The following NPHS1 variants were observed in gnomAD, a reference collection of about 807,000 sequenced individuals.
NPHS1 encodes NPHS1 adhesion molecule, nephrin.
NPHS1 carries 107 observed loss-of-function variants against 139.7 expected under a neutral mutation model. That is an observed-to-expected ratio of 0.77 (90% confidence interval 0.66 to 0.90). The LOEUF (loss-of-function observed/expected upper bound fraction) is 0.90, where lower values mean the gene tolerates loss of function less well. Among genes scored for constraint, NPHS1 ranks in the 40% least tolerant of loss-of-function variants. The pLI, the probability that NPHS1 is intolerant of heterozygous loss-of-function variation, is 0.00. For missense variants in NPHS1, 1,580 were observed against 1,654.2 expected (o/e 0.96, Z 0.78); for synonymous variants, 707 against 706.6 (o/e 1.00, Z -0.01).
At chr19:35,831,586 A>C (rs1466503625) in intron 24 of NPHS1, 57 bp downstream of exon 24, 2 of 1,609,766 alleles carry the variant, frequency 1.2e-6, no homozygotes, top group Non-Finnish European at 1.7e-6. Flanking sequence ...TGCAGCAACC[A>C]CAGGGTTCCC....
chr19:35,833,653 T>C (rs1392874784), intron 23 of NPHS1, among the ~76,000 whole-genome samples: 1 of 152,012 alleles, frequency 6.6e-6, no homozygotes, highest in African/African-American at 2.4e-5. Flanking sequence ...TTTGAGCACC[T>C]GAAAGTGGCC....
chr19:35,841,893 C>T, intron 19 of NPHS1, 27 bp from the exon 20 acceptor site: 1 of 1,587,224 alleles, frequency 6.3e-7, no homozygotes, highest in East Asian at 2.3e-5. Context: ...GCACCACTCA[C>T]CCTTCCATTC....
chr19:35,847,671 G>GTTTTT (rs553348469), intron 11 of NPHS1, among the ~76,000 whole-genome samples: 1 of 136,224 alleles, frequency 7.3e-6, no homozygotes, highest in African/African-American at 2.7e-5. Context: ...TTACAGCATT[G>GTTTTT]TTTTTTTTTT....
At position 35,826,577 on chromosome 19, in the gene NPHS1, G is replaced by A. The variant is rs760160384; in HGVS notation, c.3663C>T (p.Ala1221=). 5.0e-6 allele frequency: 8 copies of A among 1,613,790 alleles called. No homozygotes were observed. Among genetic ancestry groups the A allele is most frequent in the South Asian group, 2.2e-5 (2 of 91,070 alleles). The part of the protein sequence containing the change: ...QDPRGIYDQV[A]GDLDTLEPDS... ...CGGGTTCCAGAGTGTCCAAGTCTCC[G>A]GCCACCTGGTCATAGATTCCTCTTG... The change falls in exon 29 of 29, where the codon GCC becomes GCT. Residue 1221 remains alanine (A), a synonymous_variant. Coordinates refer to ENST00000378910, the MANE Select transcript of NPHS1 (RefSeq NM_004646.4).
intron 10 of NPHS1, 36 bp downstream of exon 10, chr19:35,848,217 G>T (rs1568455585): frequency 2.5e-6 from 4 of 1,614,134 alleles, no homozygotes; most frequent in Non-Finnish European, 3.4e-6. Flanking sequence ...GGGTCCTGAG[G>T]CTTGGGGGCA....
At position 35,828,262 on chromosome 19, in the gene NPHS1, CT is replaced by C. The variant is rs1972825310; in HGVS notation, c.3595-1618del. ...AGCTAAGAATGGTTTTTATTTTTTT[CT>C]TTTTCTTTTTCTTTTTTTTTGAGAC... is the stretch of plus-strand genomic sequence containing the variant. On this transcript the variant is annotated intron_variant, in intron 28 of 28. Coordinates refer to ENST00000378910, the MANE Select transcript of NPHS1 (RefSeq NM_004646.4). Among the ~76,000 whole-genome samples the C allele has an allele frequency of 2.0e-5, 3 of 151,996 alleles. No homozygotes were observed. The South Asian group carries it at 6.2e-4, about 32-fold the overall frequency.
At chr19:35,831,904 C>G in intron 23 of NPHS1, 142 bp from the exon 24 acceptor site, 1 of 853,760 alleles carries the variant, frequency 1.2e-6, no homozygotes, top group Non-Finnish European at 1.8e-6. Context: ...TGTGCCCACC[C>G]TTTCTGCCCA....
rs768248111 is a variant in NPHS1 at position 35,844,225 on chromosome 19, C to T, written c.2090G>A (p.Arg697His). The change falls in exon 16 of 29, where the codon CGC becomes CAC. Residue 697 changes from arginine to histidine, a missense_variant. Arg to His is a conservative substitution (Grantham distance 29, BLOSUM62 0). Transcript: ENST00000378910. The part of the protein sequence containing the change: ...RLSPAGGPRH[R>H]ILSSGALHLW... ...ATGCAGAGCCCCGCTGGACAGGATG[C>T]GATGCCGGGGGCCGCCCGCTGGGGA... is the stretch of plus-strand genomic sequence containing the variant. 5.6e-6 allele frequency: 9 copies of T among 1,612,932 alleles called. No homozygotes were observed. In the Admixed American group the frequency reaches 8.3e-5, roughly 15 times the overall value.
intron 28 of NPHS1, among the ~76,000 whole-genome samples, chr19:35,828,560 G>A (rs1026126282): frequency 9.2e-5 from 14 of 152,124 alleles, no homozygotes; most frequent in African/African-American, 2.7e-4. Flanking sequence ...CACCGTGCCC[G>A]GCCTGGTTTT....
chr19:35,848,341 C>T lies in NPHS1; in HGVS notation c.1227G>A (p.Glu409=). The T allele has an allele frequency of 1.9e-6, 3 of 1,614,116 alleles. No homozygotes were observed. Among genetic ancestry groups the T allele is most frequent in the South Asian group, 1.1e-5 (1 of 91,084 alleles). The change falls in exon 10 of 29, where the codon GAG becomes GAA. Residue 409 remains glutamate (E), a synonymous_variant. Coordinates refer to ENST00000378910, the MANE Select transcript of NPHS1 (RefSeq NM_004646.4). ...CACATGTGAGGGTCAGACCGTTGTCCTCCCGCCGCGCCAGGAATGTCAGGT... is the reference window on the plus strand; with the variant it reads ...CACATGTGAGGGTCAGACCGTTGTCTTCCCGCCGCGCCAGGAATGTCAGGT... ...MSNLTFLARR[E]DNGLTLTCEA...
intron 22 of NPHS1, among the ~76,000 whole-genome samples, chr19:35,837,587 T>TTCTCTCTC (rs58943001): frequency 8.7e-5 from 13 of 149,164 alleles, no homozygotes; most frequent in African/African-American, 3.2e-4. Flanking sequence ...GCTTCTTTCT[T>TTCTCTCTC]TCTCTCTCTC....
intron 7 of NPHS1, 31 bp downstream of exon 7, chr19:35,849,205 C>T (rs780256551): frequency 6.2e-7 from 1 of 1,613,584 alleles, no homozygotes; most frequent in South Asian, 1.1e-5. Flanking sequence ...CCCACTGTCC[C>T]CCCATTCCCC....
In NPHS1 at chr19:35,836,210, C is replaced by T. The variant is rs374506144; in HGVS notation, c.3110-449G>A. Among the ~76,000 whole-genome samples the T allele has an allele frequency of 9.5e-5, 14 of 147,054 alleles. No homozygotes were observed. The East Asian group carries it at 1.2e-3, about 13-fold the overall frequency. The stretch of plus-strand genomic sequence containing the variant: ...TCCTGACCTCGTGATTCGCCCACCT[C>T]GGCCTTCCAGAGTGCTGGGATTACA... On this transcript the variant is annotated intron_variant, in intron 22 of 28. Coordinates refer to ENST00000378910, the MANE Select transcript of NPHS1 (RefSeq NM_004646.4).
rs749392048 is a variant in NPHS1 at position 35,839,431 on chromosome 19, G to C, written c.2928-13C>G. ...CAGGGCCTCATACCTGCAGGACAGG[G>C]GGATAGTAAATTCAGGGAAGTGCCC... On this transcript the variant is annotated splice_polypyrimidine_tract_variant and intron_variant, in intron 21 of 28. Transcript: ENST00000378910. 6.2e-7 allele frequency: 1 copy of C among 1,614,082 alleles called. No homozygotes were observed. Among genetic ancestry groups the C allele is most frequent in the Non-Finnish European group, 8.5e-7 (1 of 1,179,962 alleles).
chr19:35,835,042 G>A lies in NPHS1; in HGVS notation c.3166+663C>T, dbSNP rs1442898055. Among the ~76,000 whole-genome samples the A allele has an allele frequency of 6.0e-5, 9 of 150,038 alleles. No homozygotes were observed. The East Asian group carries it at 1.2e-3, about 20-fold the overall frequency. ...GTGAAACCCCGTCCCTACTAAAAAAGTACAACAATTAGCCAGGTGTGGTGG... is the reference window on the plus strand; with the variant it reads ...GTGAAACCCCGTCCCTACTAAAAAAATACAACAATTAGCCAGGTGTGGTGG... On this transcript the variant is annotated intron_variant, in intron 23 of 28. Coordinates refer to ENST00000378910, the MANE Select transcript of NPHS1 (RefSeq NM_004646.4).
intron 23 of NPHS1, among the ~76,000 whole-genome samples, chr19:35,833,051 A>ATTTT (rs58221236): frequency 1.4e-5 from 2 of 142,306 alleles, no homozygotes; most frequent in African/African-American, 5.1e-5. Context: ...CACCCGGCTA[A>ATTTT]TTTTTTTTTT....
intron 20 of NPHS1, among the ~76,000 whole-genome samples, chr19:35,840,398 G>A (rs1270962945): frequency 6.8e-6 from 1 of 146,114 alleles, no homozygotes; most frequent in African/African-American, 2.5e-5. Context: ...GCAGTGGTGC[G>A]ATCTTGACTC....
At chr19:35,842,014 T>C in intron 19 of NPHS1, 110 bp downstream of exon 19, 1 of 1,417,714 alleles carries the variant, frequency 7.1e-7, no homozygotes, top group Non-Finnish European at 9.8e-7. Flanking sequence ...ATTCACTCAC[T>C]CATTCCTCCA....
Position 35,825,484 on chromosome 19 carries a change from C to A in NPHS1, c.*1030G>T, listed in dbSNP as rs1972789710. ...CAAATCTGTGCACCCGTGCAACCACCACCACAATCGTTATATAGAATATTT... is the reference window on the plus strand; with the variant it reads ...CAAATCTGTGCACCCGTGCAACCACAACCACAATCGTTATATAGAATATTT... On this transcript the variant is annotated 3_prime_UTR_variant, in exon 29 of 29. Coordinates refer to ENST00000378910, the MANE Select transcript of NPHS1 (RefSeq NM_004646.4). 6.6e-6 allele frequency among the ~76,000 whole-genome samples: 1 copy of A among 152,094 alleles called. No homozygotes were observed. The highest frequency in any genetic ancestry group is 2.4e-5 in the African/African-American group (1 of 41,412).
Sources: allele counts gnomAD v4.1 joint callset (sites outside exome capture counted in the v4.1 genomes callset), GRCh38; gene constraint gnomAD v4.1.1; transcripts MANE v1.5; gene names NCBI Gene and HGNC (gene_info 2026-07-23, HGNC 2026-07-21).